The following ESRRB variants were observed in gnomAD, a reference collection of about 807,000 sequenced individuals.
ESRRB encodes the protein estrogen related receptor beta.
Under a neutral mutation model 46.0 loss-of-function variants are expected in ESRRB, and 16 were observed. That is an observed-to-expected ratio of 0.35 (90% CI 0.24 to 0.53). The LOEUF (loss-of-function observed/expected upper bound fraction) is 0.53. ESRRB is among the 20% of genes least tolerant of loss of function. The probability of loss-of-function intolerance (pLI) is 0.93; values close to 1 mark genes in which losing one functional copy is unlikely to be tolerated. For synonymous variants in ESRRB, 246 were observed against 259.6 expected, an observed-to-expected ratio of 0.95 and a Z score of 0.50; for missense variants, 488 against 607.4, an observed-to-expected ratio of 0.80 and a Z score of 2.07.
intron 5 of ESRRB, among the ~76,000 whole-genome samples, 177 bp from the exon 6 acceptor site, chr14:76,491,270 A>C (rs560879842): frequency 4.5e-4 from 68 of 152,308 alleles, no homozygotes; most frequent in Non-Finnish European, 8.5e-4. Flanking sequence ...GCATTCCCCA[A>C]GGGGAGGACA....
At chr14:76,377,404 G>T (rs1245071718) in intron 1 of ESRRB, among the ~76,000 whole-genome samples, 3 of 152,200 alleles carry the variant, frequency 2.0e-5, no homozygotes, top group Admixed American at 2.0e-4. Flanking sequence ...CCACCTGCTC[G>T]GGTACCTGCC....
At chr14:76,337,558 G>A (rs978425031) in intron 1 of ESRRB, among the ~76,000 whole-genome samples, 3 of 152,258 alleles carry the variant, frequency 2.0e-5, no homozygotes, top group Non-Finnish European at 4.4e-5. Flanking sequence ...GTGTGTGGGC[G>A]GGGGCTGGAT....
chr14:76,404,444 T>C (rs1296059133), intron 1 of ESRRB: 1 of 152,000 alleles, frequency 6.6e-6, no homozygotes, highest in Non-Finnish European at 1.5e-5. Flanking sequence ...GCCAAAATGG[T>C]GTCCAGAACT....
intron 1 of ESRRB, among the ~76,000 whole-genome samples, chr14:76,390,237 C>T (rs1422793256): frequency 1.3e-5 from 2 of 152,142 alleles, no homozygotes; most frequent in Non-Finnish European, 2.9e-5. Context: ...GCCTGTAATC[C>T]CAGCACTTTG....
chr14:76,318,590 T>G (rs1299806271), intron 1 of ESRRB, among the ~76,000 whole-genome samples: 1 of 152,158 alleles, frequency 6.6e-6, no homozygotes, highest in Non-Finnish European at 1.5e-5. Context: ...CCTCTCCACT[T>G]CACACTCAGT....
chr14:76,423,506 T>C (rs968060123), intron 1 of ESRRB, among the ~76,000 whole-genome samples: 6 of 152,158 alleles, frequency 3.9e-5, no homozygotes, highest in African/African-American at 1.4e-4. Context: ...AGGTGGATCC[T>C]TTAAGAACTT....
intron 3 of ESRRB, among the ~76,000 whole-genome samples, chr14:76,465,833 C>T (rs893631454): frequency 2.0e-5 from 3 of 152,246 alleles, no homozygotes; most frequent in Non-Finnish European, 4.4e-5. Flanking sequence ...GGAGATGACA[C>T]AAAGGCTCCT....
chr14:76,316,884 C>T (rs1883806699), intron 1 of ESRRB, among the ~76,000 whole-genome samples: 1 of 152,146 alleles, frequency 6.6e-6, no homozygotes, highest in African/African-American at 2.4e-5. Context: ...GTGAATATTT[C>T]CCTCATTTGT....
intron 2 of ESRRB, among the ~76,000 whole-genome samples, chr14:76,457,673 T>C (rs908781149): frequency 1.2e-4 from 18 of 152,244 alleles, no homozygotes; most frequent in Admixed American, 3.9e-4. Flanking sequence ...TCTAGGGAAC[T>C]TTTATTTTTT....
At chr14:76,388,517 A>G (rs1406736255) in intron 1 of ESRRB, among the ~76,000 whole-genome samples, 8 of 152,006 alleles carry the variant, frequency 5.3e-5, no homozygotes, top group African/African-American at 1.9e-4. Context: ...CTGCCTTCAG[A>G]ACACCTTGTG....
At chr14:76,444,486 AG>A (rs893705774) in intron 2 of ESRRB, among the ~76,000 whole-genome samples, 2 of 151,852 alleles carry the variant, frequency 1.3e-5, no homozygotes, top group Admixed American at 1.3e-4. Context: ...TAAGGTGCAG[AG>A]GGGGAGCAGG....
chr14:76,476,000 T>A (rs1435424886), intron 3 of ESRRB, among the ~76,000 whole-genome samples: 1 of 152,220 alleles, frequency 6.6e-6, no homozygotes, highest in Non-Finnish European at 1.5e-5. Context: ...ACAACCAGGA[T>A]ATTGACATTG....
intron 1 of ESRRB, among the ~76,000 whole-genome samples, chr14:76,348,224 G>T (rs1884272306): frequency 6.6e-6 from 1 of 152,124 alleles, no homozygotes; most frequent in African/African-American, 2.4e-5. Flanking sequence ...AAAGAGAGAT[G>T]TCAGATGTCC....
At chr14:76,388,283 G>A (rs567084784) in intron 1 of ESRRB, among the ~76,000 whole-genome samples, 6 of 148,932 alleles carry the variant, frequency 4.0e-5, no homozygotes, top group Middle Eastern at 3.5e-3. Flanking sequence ...GGTTCACGCC[G>A]TTCTCCTGCC....
chr14:76,457,412 C>A (rs151091029), intron 2 of ESRRB, among the ~76,000 whole-genome samples: 30 of 151,964 alleles, frequency 2.0e-4, no homozygotes, highest in African/African-American at 7.0e-4. Flanking sequence ...GCTTTGAATG[C>A]GGCCCAACAC....
chr14:76,489,632 T>C (rs1890147410), intron 5 of ESRRB, among the ~76,000 whole-genome samples: 1 of 152,170 alleles, frequency 6.6e-6, no homozygotes, highest in African/African-American at 2.4e-5. Context: ...TAGATCAGTC[T>C]TGGGAACTGT....
intron 1 of ESRRB, among the ~76,000 whole-genome samples, chr14:76,330,915 T>G (rs2139736666): frequency 6.6e-6 from 1 of 152,176 alleles, no homozygotes; most frequent in South Asian, 2.1e-4. Context: ...TCTTCATCTC[T>G]TGTACCCCCA....
chr14:76,376,469 C>T lies in ESRRB; in HGVS notation c.50+18C>T. 1 of 1,231,146 alleles carries T rather than the reference C, an allele frequency of 8.1e-7. No homozygotes were observed. Among genetic ancestry groups the T allele is most frequent in the Non-Finnish European group, 1.0e-6 (1 of 987,426 alleles). 76.3% of individuals were successfully genotyped at this position (1,231,146 alleles called of 1,614,324 possible). ...CACAACCAGTAGGTGCCCTGCTTCT[C>T]GGTCTGTCTGTCCTTCTGCCCGTCT... On this transcript the variant is annotated intron_variant, in intron 1 of 6. Transcript: ENST00000644823. The surrounding 1 kb of genome is among the most constrained non-coding windows in gnomAD (Gnocchi z 4.1).
chr14:76,470,725 T>TG (rs1335220620), intron 3 of ESRRB, among the ~76,000 whole-genome samples: 1 of 152,240 alleles, frequency 6.6e-6, no homozygotes, highest in Non-Finnish European at 1.5e-5. Context: ...TATTGCTCTG[T>TG]GGCCCAGGCT....
Sources: gnomAD v4.1 joint callset for allele counts (sites outside exome capture counted in the v4.1 genomes callset) on GRCh38, gnomAD v4.1.1 for gene constraint, Gnocchi (gnomAD v3.1) non-coding constraint, MANE v1.5 for transcripts, NCBI Gene and HGNC (gene_info 2026-07-23, HGNC 2026-07-21) for gene names.